Variants in EYS observed in about 807,000 individuals in gnomAD.
EYS encodes the protein protein eyes shut homolog.
A neutral mutation model predicts 282.1 loss-of-function variants in EYS; 250 were observed. That is an observed-to-expected ratio of 0.89 (90% CI 0.80 to 0.98). The LOEUF is 0.98. EYS is among the 50% of genes least tolerant of loss of function. EYS has a pLI of 0.00. For synonymous variants in EYS, 1,355 were observed against 1,282.9 expected, an observed-to-expected ratio of 1.06 and a Z score of -1.20; for missense variants, 4,016 against 3,709.0, an observed-to-expected ratio of 1.08 and a Z score of -2.15.
Position 65,272,305 on chromosome 6 carries a change from TGAGAG to T in EYS, c.2023+23553_2023+23557del, listed in dbSNP as rs1310518529. ...TGAACTGCTGAAAATAGTGTCATTA[TGAGAG>T]GAGAGTGTTCCCTTGACTTTGACCC... On this transcript the variant is annotated intron_variant, in intron 12 of 42. Coordinates refer to ENST00000503581, the MANE Select transcript of EYS (RefSeq NM_001142800.2). 2.6e-5 allele frequency among the ~76,000 whole-genome samples: 4 copies of T among 152,146 alleles called. No individual in the cohort carries two copies. In the East Asian group the frequency reaches 7.7e-4, roughly 29 times the overall value.
chr6:64,572,373 A>C (rs1347203215), intron 26 of EYS, among the ~76,000 whole-genome samples: 1 of 152,106 alleles, frequency 6.6e-6, no homozygotes, highest in Non-Finnish European at 1.5e-5. Context: ...TAAAAGACAA[A>C]GATGGTCTCT....
At chr6:64,722,703 A>G (rs976224454) in intron 22 of EYS, among the ~76,000 whole-genome samples, 16 of 152,208 alleles carry the variant, frequency 1.1e-4, no homozygotes, top group Non-Finnish European at 1.8e-4. Context: ...AAATAATCCT[A>G]GAAAACAAGG....
At position 64,389,763 on chromosome 6, in the gene EYS, G is replaced by A. The variant is rs562634237; in HGVS notation, c.5928-923C>T. 3.9e-5 allele frequency among the ~76,000 whole-genome samples: 6 copies of A among 152,262 alleles called. No homozygotes were observed. In the South Asian group the frequency reaches 1.0e-3, roughly 26 times the overall value. ...TCAAAATAATAGTACACATTCTTGG[G>A]AGGAGCCAAGATGGCTGAATAGGAA... On this transcript the variant is annotated intron_variant, in intron 28 of 42. Transcript: ENST00000503581.
At chr6:65,330,711 T>G in intron 11 of EYS, 2 of 950,322 alleles carry the variant, frequency 2.1e-6, no homozygotes, top group Non-Finnish European at 2.5e-6. Flanking sequence ...CTATCATTAT[T>G]TTGCCTTATA....
chr6:64,304,815 G>A (rs1769376110), intron 30 of EYS, among the ~76,000 whole-genome samples: 1 of 152,052 alleles, frequency 6.6e-6, no homozygotes, highest in Non-Finnish European at 1.5e-5. Context: ...AGAAAATAGA[G>A]ACAAATAAAA....
intron 30 of EYS, among the ~76,000 whole-genome samples, chr6:64,233,400 A>G (rs1380796903): frequency 6.6e-6 from 1 of 152,168 alleles, no homozygotes; most frequent in African/African-American, 2.4e-5. Context: ...AATAAAATGT[A>G]TTCAATTTGT....
chr6:64,082,049 T>C (rs1004071237), intron 31 of EYS, 47 bp from the exon 32 acceptor site: 64 of 1,268,256 alleles, frequency 5.0e-5, no homozygotes, highest in Non-Finnish European at 7.0e-5. Context: ...ATTATATTGC[T>C]ACTCAAGTAG....
rs1449123308 is a variant in EYS, at chr6:63,835,196, TATA to T, written c.7229-28827_7229-28825del. On this transcript the variant is annotated intron_variant, in intron 36 of 42. Coordinates refer to ENST00000503581, the MANE Select transcript of EYS (RefSeq NM_001142800.2). Reference sequence around the variant, plus strand: ...TGCACATGTACCCTAGAACTTAAAGTATAATAATAAAAAATAAAAAATAAATGA... The same window carrying T: ...TGCACATGTACCCTAGAACTTAAAGTATAATAAAAAATAAAAAATAAATGA... Among the ~76,000 whole-genome samples, 14 of 151,700 alleles carry T rather than the reference TATA, an allele frequency of 9.2e-5. No individual in the cohort carries two copies. In the East Asian group the frequency reaches 2.1e-3, roughly 23 times the overall value.
Position 64,590,729 on chromosome 6 carries a change from G to T in EYS, c.5138C>A (p.Pro1713His). 1 of 1,550,876 alleles carries T rather than the reference G, an allele frequency of 6.4e-7. No homozygotes were observed. Among genetic ancestry groups the T allele is most frequent in the South Asian group, 1.2e-5 (1 of 84,042 alleles). Residue 1713 changes from proline (P) to histidine (H), a missense_variant, in exon 26 of 43, where the codon CCC becomes CAC. Transcript: ENST00000503581. ...GCTCTCTTGATTTAGTACCTCAGTG[G>T]GTCCCATAGTTATGCCATATTGTCT... ...KIRQYGITMG[P>H]TEVLNQESLL...
chr6:64,969,952 T>A (rs1770232043), intron 14 of EYS, among the ~76,000 whole-genome samples: 1 of 152,186 alleles, frequency 6.6e-6, no homozygotes, highest in Non-Finnish European at 1.5e-5. Context: ...TACCAATGAT[T>A]ATAAAATCTG....
rs146842678 is a variant in EYS at position 65,694,572 on chromosome 6, A to C, written c.-448+12563T>G. 9.0e-3 allele frequency among the ~76,000 whole-genome samples: 1,349 copies of C among 150,094 alleles called. 179 individuals are homozygous for C. Among genetic ancestry groups the C allele is most frequent in the Admixed American group, 0.075 (1,116 of 14,876 alleles). On this transcript the variant is annotated intron_variant, in intron 1 of 42. Transcript: ENST00000503581. ...GTAATCAGTAGTATAGAAGAGGCTCAGGTAACTAAAACTATAAATATAGTT... is the reference window on the plus strand; with the variant it reads ...GTAATCAGTAGTATAGAAGAGGCTCCGGTAACTAAAACTATAAATATAGTT...
At chr6:63,986,999 T>C (rs1301303973) in intron 34 of EYS, among the ~76,000 whole-genome samples, 1 of 151,654 alleles carries the variant, frequency 6.6e-6, no homozygotes, top group Non-Finnish European at 1.5e-5. Context: ...AGAAAATTAG[T>C]AGAATAAAGA....
intron 14 of EYS, among the ~76,000 whole-genome samples, chr6:64,951,225 T>C (rs1020151133): frequency 2.6e-5 from 4 of 151,866 alleles, no homozygotes; most frequent in Non-Finnish European, 4.4e-5. Context: ...AGTTGGAGTT[T>C]AGGGCCAGCA....
At chr6:64,441,466 T>G (rs376629941) in intron 26 of EYS, among the ~76,000 whole-genome samples, 1 of 152,198 alleles carries the variant, frequency 6.6e-6, no homozygotes, top group African/African-American at 2.4e-5. Context: ...AGATGATACA[T>G]GGCTCCACTA....
intron 22 of EYS, among the ~76,000 whole-genome samples, chr6:64,758,557 G>T (rs1343922008): frequency 6.6e-6 from 1 of 151,988 alleles, no homozygotes; most frequent in African/African-American, 2.4e-5. Context: ...TACAATTATT[G>T]TGCCTATAGA....
intron 31 of EYS, among the ~76,000 whole-genome samples, chr6:64,189,013 A>G (rs925687642): frequency 3.9e-5 from 6 of 152,164 alleles, no homozygotes; most frequent in African/African-American, 1.4e-4. Context: ...TCATTGTTAG[A>G]TAATAATAAT....
At chr6:64,876,545 G>A (rs1319774619) in intron 19 of EYS, among the ~76,000 whole-genome samples, 1 of 152,062 alleles carries the variant, frequency 6.6e-6, no homozygotes, top group Non-Finnish European at 1.5e-5. Flanking sequence ...ATGAACAAAA[G>A]AGAGAAATTC....
chr6:63,806,327 C>T lies in EYS; in HGVS notation c.7274G>A (p.Gly2425Glu), dbSNP rs1201593554. 8 of 1,550,908 alleles carry T rather than the reference C, an allele frequency of 5.2e-6. No homozygotes were observed. The highest frequency in any genetic ancestry group is 7.0e-6 in the Non-Finnish European group (8 of 1,146,510). The stretch of plus-strand genomic sequence containing the variant: ...TGAATAAGCCAGGAATGAGGTGTAT[C>T]CAAAGGCATCTGTGCCACTGAACCT... Reference protein sequence around the residue: ...QPRFSGTDAFGYTSFLAYSRI... With the variant: ...QPRFSGTDAFEYTSFLAYSRI... The change falls in exon 37 of 43, where the codon GGA (glycine) becomes GAA (glutamate). Residue 2425 changes from glycine (G) to glutamate (E), a missense_variant. Transcript: ENST00000503581.
In EYS at chr6:65,550,143, C is replaced by CTTTTTTTTTT. The variant is rs1048251073; in HGVS notation, c.-332-54160_-332-54151dup. On this transcript the variant is annotated intron_variant, in intron 2 of 42. Coordinates refer to ENST00000503581, the MANE Select transcript of EYS (RefSeq NM_001142800.2). Reference sequence around the variant, plus strand: ...AAGTTAGTATCTGACTCTACTATATCTTTTTTTTTTTTTTTTTTTTTTTTT... The same window carrying CTTTTTTTTTT: ...AAGTTAGTATCTGACTCTACTATATCTTTTTTTTTTTTTTTTTTTTTTTTTTTTTTTTTTT... 1.3e-3 allele frequency among the ~76,000 whole-genome samples: 8 copies of CTTTTTTTTTT among 5,958 alleles called. 3 individuals carry two copies. Among genetic ancestry groups the CTTTTTTTTTT allele is most frequent in the Admixed American group, 2.9e-3 (1 of 344 alleles). The allele number at this position is 5,958 out of a possible 152,430, so 3.9% of individuals were successfully genotyped here.
Sources: allele counts gnomAD v4.1 joint callset (sites outside exome capture counted in the v4.1 genomes callset), GRCh38; gene constraint gnomAD v4.1.1; transcripts MANE v1.5; gene names NCBI Gene and HGNC (gene_info 2026-07-23, HGNC 2026-07-21).